GALNT2: variants seen among roughly 807,000 people sequenced by gnomAD.
The protein encoded by GALNT2 is UDP-GalNAc:polypeptide N-acetylgalactosaminyltransferase 2.
Under a neutral mutation model 81.4 loss-of-function variants are expected in GALNT2, and 31 were observed. That is an observed-to-expected ratio of 0.38 (90% CI 0.29 to 0.51). GALNT2 has a LOEUF of 0.51. Among genes scored for constraint, GALNT2 ranks in the 20% least tolerant of loss-of-function variants. The probability of loss-of-function intolerance (pLI) is 0.87; values close to 1 mark genes in which losing one functional copy is unlikely to be tolerated. For synonymous variants in GALNT2, 303 were observed against 287.4 expected (o/e 1.05, Z -0.55); for missense variants, 629 against 765.7 (o/e 0.82, Z 2.11).
chr1:230,093,313 C>G lies in GALNT2; in HGVS notation c.126+25907C>G, dbSNP rs553607474. On this transcript the variant is annotated intron_variant, in intron 1 of 15. Transcript: ENST00000366672. Reference sequence around the variant, plus strand: ...GGGCACTGAACATGATAATAGTGTCCGTCAGGGGGAGAAATAACAGAAACC... The same window carrying G: ...GGGCACTGAACATGATAATAGTGTCGGTCAGGGGGAGAAATAACAGAAACC... Among the ~76,000 whole-genome samples, 4 of 151,786 alleles carry G rather than the reference C, an allele frequency of 2.6e-5. No individual in the cohort carries two copies. In the South Asian group the frequency reaches 8.3e-4, roughly 32 times the overall value.
chr1:230,073,645 G>A (rs1392801637), intron 1 of GALNT2, among the ~76,000 whole-genome samples: 1 of 152,230 alleles, frequency 6.6e-6, no homozygotes, highest in East Asian at 1.9e-4. Flanking sequence ...GTCACATAGA[G>A]TCTCACTCAT....
At chr1:230,266,648 A>T (rs1666044978) in intron 14 of GALNT2, among the ~76,000 whole-genome samples, 1 of 152,180 alleles carries the variant, frequency 6.6e-6, no homozygotes. Context: ...AATGGCCTGG[A>T]CATCCTAAAT....
chr1:230,118,235 C>G (rs1198328089), intron 1 of GALNT2, among the ~76,000 whole-genome samples: 1 of 152,182 alleles, frequency 6.6e-6, no homozygotes, highest in African/African-American at 2.4e-5. Flanking sequence ...ATCCATTTGC[C>G]TAGATGTGTC....
At position 230,279,264 on chromosome 1, in the gene GALNT2, T is replaced by G; in HGVS notation, c.1561-39T>G. On this transcript the variant is annotated intron_variant, in intron 15 of 15. Transcript: ENST00000366672. This position sits in a 1 kb window ranked among gnomAD's most constrained non-coding sequence, Gnocchi z 4.6. ...CACGAATCTGTTTGTACTCCTTTGC[T>G]TGTGCCCACACTCTAAGGCACTCTC... 1 of 1,590,942 alleles carries G rather than the reference T, an allele frequency of 6.3e-7. No homozygotes were observed.
intron 3 of GALNT2, among the ~76,000 whole-genome samples, chr1:230,203,861 A>G (rs987183746): frequency 1.1e-4 from 16 of 152,134 alleles, no homozygotes; most frequent in African/African-American, 2.2e-4. Flanking sequence ...GTCTCCCTCT[A>G]TCACCCAGGT....
chr1:230,209,174 C>T (rs1334781034), intron 3 of GALNT2, among the ~76,000 whole-genome samples: 2 of 152,120 alleles, frequency 1.3e-5, no homozygotes, highest in Non-Finnish European at 2.9e-5. Flanking sequence ...GTAGCCCATA[C>T]AGGCCCCACA....
At chr1:230,094,634 G>T (rs778356712) in intron 1 of GALNT2, among the ~76,000 whole-genome samples, 1 of 152,096 alleles carries the variant, frequency 6.6e-6, no homozygotes, top group African/African-American at 2.4e-5. Context: ...ATGAAACTCC[G>T]TCTCAAACAA....
Position 230,243,927 on chromosome 1 carries a change from G to A in GALNT2, c.729+500G>A, listed in dbSNP as rs1426322335. ...TGTGGGAGAGGGTTGTGGCTAGGAA[G>A]CATACAGGGACCGGTGGGGTTGTCA... On this transcript the variant is annotated intron_variant, in intron 7 of 15. Transcript: ENST00000366672. The surrounding 1 kb of genome is among the most constrained non-coding windows in gnomAD (Gnocchi z 4.2). Among the ~76,000 whole-genome samples the A allele has an allele frequency of 1.3e-5, 2 of 152,158 alleles. No homozygotes were observed. Among genetic ancestry groups the A allele is most frequent in the African/African-American group, 4.8e-5 (2 of 41,446 alleles).
At chr1:230,148,583 T>G (rs1381031295) in intron 1 of GALNT2, among the ~76,000 whole-genome samples, 1 of 152,158 alleles carries the variant, frequency 6.6e-6, no homozygotes. Flanking sequence ...GTTTTCTTTT[T>G]TTTTCTTTCT....
intron 1 of GALNT2, among the ~76,000 whole-genome samples, chr1:230,175,772 A>T (rs901323651): frequency 6.6e-6 from 1 of 151,550 alleles, no homozygotes; most frequent in South Asian, 2.1e-4. Flanking sequence ...GGAGTCCAGA[A>T]CAAAACAGTC....
At chr1:230,067,597 G>A (rs1349086769) in intron 1 of GALNT2, among the ~76,000 whole-genome samples, 191 bp downstream of exon 1, 2 of 151,682 alleles carry the variant, frequency 1.3e-5, no homozygotes, top group African/African-American at 4.8e-5. Context: ...CGCACGCCGG[G>A]CTCCGAAAGG....
chr1:230,091,132 G>A (rs566751757), intron 1 of GALNT2, among the ~76,000 whole-genome samples: 3 of 151,822 alleles, frequency 2.0e-5, no homozygotes, highest in East Asian at 1.9e-4. Flanking sequence ...ACAGTGGCAC[G>A]ATCTCAGCTC....
chr1:230,058,990 G>A (rs983750773), intron 1 of GALNT2, among the ~76,000 whole-genome samples: 5 of 152,140 alleles, frequency 3.3e-5, no homozygotes, highest in Non-Finnish European at 7.4e-5. Context: ...TGGGAGGGGC[G>A]TGCGAACGAG....
At chr1:230,128,088 A>G (rs2144296) in intron 1 of GALNT2, among the ~76,000 whole-genome samples, 79,854 of 151,708 alleles carry the variant, frequency 0.53, 21,530 homozygotes, top group East Asian at 0.66. Flanking sequence ...TGGCTGCAGG[A>G]AGGGTGTCTG....
rs530097350 is a variant in GALNT2 at position 230,143,688 on chromosome 1, A to G, written c.127-34530A>G. 1.9e-3 allele frequency among the ~76,000 whole-genome samples: 294 copies of G among 152,340 alleles called. 4 individuals carry two copies. The highest frequency in any genetic ancestry group is 3.2e-3 in the Non-Finnish European group (217 of 68,042). On this transcript the variant is annotated intron_variant, in intron 1 of 15. Coordinates refer to ENST00000366672, the MANE Select transcript of GALNT2 (RefSeq NM_004481.5). ...GCCCCACGCTCTTATTAAAGCATTGAGTTCTTCCAGGCCTCTGTTGCTGCT... is the reference window on the plus strand; with the variant it reads ...GCCCCACGCTCTTATTAAAGCATTGGGTTCTTCCAGGCCTCTGTTGCTGCT...
chr1:230,124,814 C>CT (rs1299022331), intron 1 of GALNT2, among the ~76,000 whole-genome samples: 1 of 152,150 alleles, frequency 6.6e-6, no homozygotes, highest in Non-Finnish European at 1.5e-5. Flanking sequence ...CCATGGCAGA[C>CT]TAGGGTGGTG....
chr1:230,176,799 G>A (rs924659359), intron 1 of GALNT2, among the ~76,000 whole-genome samples: 1 of 152,114 alleles, frequency 6.6e-6, no homozygotes, highest in Non-Finnish European at 1.5e-5. Flanking sequence ...TTTAAATTGG[G>A]ATACAGCTGC....
At chr1:230,262,072 A>T (rs1402673920) in intron 11 of GALNT2, 1 of 151,862 alleles carries the variant, frequency 6.6e-6, no homozygotes, top group African/African-American at 2.4e-5. Context: ...AAAGAAAGTG[A>T]TTTTCCCAGG....
intron 1 of GALNT2, among the ~76,000 whole-genome samples, chr1:230,154,662 G>C (rs1662192820): frequency 6.6e-6 from 1 of 152,146 alleles, no homozygotes; most frequent in Non-Finnish European, 1.5e-5. Context: ...CACACGTGGA[G>C]GGAAGACAGT....
Sources: gnomAD v4.1 joint callset for allele counts (sites outside exome capture counted in the v4.1 genomes callset) on GRCh38, gnomAD v4.1.1 for gene constraint, Gnocchi (gnomAD v3.1) non-coding constraint, MANE v1.5 for transcripts, NCBI Gene and HGNC (gene_info 2026-07-23, HGNC 2026-07-21) for gene names.